Variants in TMEM71 observed in about 807,000 individuals in gnomAD.
The protein encoded by TMEM71 is transmembrane protein 71.
A neutral mutation model predicts 38.0 loss-of-function variants in TMEM71; 44 were observed. The ratio of observed to expected loss-of-function variants is 1.16; its 90% CI spans 0.91 to 1.49. TMEM71 has a LOEUF of 1.49. TMEM71 is among the 40% of genes most tolerant of loss of function. The pLI, the probability that TMEM71 is intolerant of heterozygous loss-of-function variation, is 0.00. For synonymous variants in TMEM71, 133 were observed against 122.5 expected, an observed-to-expected ratio of 1.09 and a Z score of -0.56; for missense variants, 367 against 348.6, an observed-to-expected ratio of 1.05 and a Z score of -0.42.
intron 5 of TMEM71, among the ~76,000 whole-genome samples, chr8:132,728,999 T>G (rs1270899716): frequency 5.9e-5 from 9 of 152,244 alleles, no homozygotes; most frequent in Non-Finnish European, 1.5e-5. Flanking sequence ...TTCAAGAACA[T>G]GCACCCATTT....
downstream of TMEM71, among the ~76,000 whole-genome samples, chr8:132,708,130 G>A (rs549048996): frequency 6.6e-5 from 10 of 152,274 alleles, no homozygotes; most frequent in East Asian, 9.6e-4. Flanking sequence ...TACAGCAGAC[G>A]TGGTTCTTTA....
intron 6 of TMEM71, among the ~76,000 whole-genome samples, chr8:132,727,405 C>T (rs1421294449): frequency 2.7e-5 from 4 of 150,858 alleles, no homozygotes; most frequent in Middle Eastern, 3.5e-3. Context: ...TATAGGCACC[C>T]GCCACCATGC....
chr8:132,754,012 C>T (rs1828871668), intron 3 of TMEM71, among the ~76,000 whole-genome samples: 1 of 152,118 alleles, frequency 6.6e-6, no homozygotes, highest in Non-Finnish European at 1.5e-5. Flanking sequence ...CTTTACATGA[C>T]ATGATGTAGT....
downstream of TMEM71, among the ~76,000 whole-genome samples, chr8:132,707,378 C>T (rs1826109727): frequency 6.6e-6 from 1 of 152,102 alleles, no homozygotes; most frequent in Non-Finnish European, 1.5e-5. Context: ...AAAGGGCATG[C>T]TATGGTTTGA....
chr8:132,775,598 G>C, the TMEM71 span: 1 of 347,314 alleles, frequency 2.9e-6, no homozygotes, highest in Non-Finnish European at 5.2e-6. Context: ...TCGTGCCCCA[G>C]CTCGGCCCCG....
At chr8:132,756,403 CATATATATTATATATATATATATATATAT>C (rs1563757861) in intron 3 of TMEM71, among the ~76,000 whole-genome samples, 1 of 95,234 alleles carries the variant, frequency 1.1e-5, no homozygotes, top group African/African-American at 4.9e-5. Flanking sequence ...TTGACACTAA[CATATATATTATATATATATATATATATAT>C]ATATATATAT....
At chr8:132,719,733 A>T (rs1826736652) in intron 7 of TMEM71, among the ~76,000 whole-genome samples, 1 of 152,260 alleles carries the variant, frequency 6.6e-6, no homozygotes, top group South Asian at 2.1e-4. Context: ...TCAGAAAATT[A>T]GGACAGAGGG....
chr8:132,714,718 T>C (rs1826410610), intron 7 of TMEM71, among the ~76,000 whole-genome samples: 1 of 152,168 alleles, frequency 6.6e-6, no homozygotes, highest in Non-Finnish European at 1.5e-5. Flanking sequence ...AATTGGACTT[T>C]ATCAAAATGT....
chr8:132,735,841 T>C (rs1162998878), intron 5 of TMEM71, among the ~76,000 whole-genome samples: 1 of 152,224 alleles, frequency 6.6e-6, no homozygotes, highest in African/African-American at 2.4e-5. Flanking sequence ...CTCTCAGCCA[T>C]TTAATATTTT....
intron 2 of TMEM71, among the ~76,000 whole-genome samples, chr8:132,757,691 T>TCAC (rs1829103746): frequency 1.3e-5 from 2 of 151,684 alleles, no homozygotes; most frequent in South Asian, 4.2e-4. Context: ...CAGGGCGTGG[T>TCAC]GGTGGGCGCC....
intron 5 of TMEM71, among the ~76,000 whole-genome samples, chr8:132,744,675 A>C (rs1003936463): frequency 9.9e-5 from 15 of 152,198 alleles, no homozygotes; most frequent in African/African-American, 3.6e-4. Context: ...GGGTTGGAAA[A>C]ACTATTTAAA....
the TMEM71 span, chr8:132,775,406 AGGC>A: frequency 4.3e-4 from 164 of 381,414 alleles, no homozygotes; most frequent in East Asian, 7.0e-4. Context: ...CCGGCGGCGG[AGGC>A]GGCGGCGGCG....
At chr8:132,714,509 CA>C (rs34237906) in intron 7 of TMEM71, among the ~76,000 whole-genome samples, 64,200 of 151,926 alleles carry the variant, frequency 0.42, 15,040 homozygotes, top group African/African-American at 0.63. Context: ...TATTTACATG[CA>C]AAAAAATGAA....
Position 132,727,900 on chromosome 8 carries a change from G to C in TMEM71, c.574C>G (p.His192Asp). ...AESVITSSSS[H>D]IISQPPGGNS... The stretch of plus-strand genomic sequence containing the variant: ...CCTCCAGGAGGCTGAGATATGATGT[G>C]GCTGGAAGAGGAGGTGATCACAGAC... Residue 192 changes from histidine to aspartate, a missense_variant, in exon 6 of 10, where the codon CAC becomes GAC. His to Asp is a moderately conservative substitution (Grantham distance 81, BLOSUM62 -1). Transcript: ENST00000677595. The C allele has an allele frequency of 6.2e-7, 1 of 1,614,100 alleles. No individual in the cohort carries two copies. Among genetic ancestry groups the C allele is most frequent in the Non-Finnish European group, 8.5e-7 (1 of 1,179,962 alleles).
At chr8:132,705,867 A>G (rs1428577996), downstream of TMEM71, among the ~76,000 whole-genome samples, 1 of 152,176 alleles carries the variant, frequency 6.6e-6, no homozygotes, top group Non-Finnish European at 1.5e-5. Context: ...TTAGGCATAC[A>G]TTTTTGGTAA....
intron 5 of TMEM71, among the ~76,000 whole-genome samples, chr8:132,734,893 A>G (rs760278791): frequency 2.4e-4 from 36 of 152,226 alleles, no homozygotes; most frequent in Non-Finnish European, 4.3e-4. Flanking sequence ...TGTATCTTCT[A>G]AGCACATCTT....
At chr8:132,733,010 C>A (rs1480439567) in intron 5 of TMEM71, among the ~76,000 whole-genome samples, 6 of 152,228 alleles carry the variant, frequency 3.9e-5, no homozygotes, top group Non-Finnish European at 7.3e-5. Flanking sequence ...CTGGTAGGTG[C>A]TTCAAGTGAG....
At chr8:132,727,169 C>G (rs944287555) in intron 6 of TMEM71, among the ~76,000 whole-genome samples, 1 of 151,924 alleles carries the variant, frequency 6.6e-6, no homozygotes, top group Admixed American at 6.6e-5. Flanking sequence ...GTAGTATGTC[C>G]AATACACAGC....
chr8:132,747,185 G>A (rs993159726), intron 4 of TMEM71, 71 bp from the exon 5 acceptor site: 53 of 1,319,544 alleles, frequency 4.0e-5, no homozygotes, highest in Admixed American at 3.5e-4. Flanking sequence ...GATTTGAAGC[G>A]CAGAGTACAT....
Sources: gnomAD v4.1 joint callset for allele counts (sites outside exome capture counted in the v4.1 genomes callset) on GRCh38, gnomAD v4.1.1 for gene constraint, MANE v1.5 for transcripts, NCBI Gene and HGNC (gene_info 2026-07-23, HGNC 2026-07-21) for gene names.